Variants in CACNA2D3 observed in about 807,000 individuals in gnomAD.
The protein encoded by CACNA2D3 is calcium voltage-gated channel auxiliary subunit alpha2delta 3.
A neutral mutation model predicts 160.6 loss-of-function variants in CACNA2D3; 60 were observed. The ratio of observed to expected loss-of-function variants is 0.37; its 90% CI spans 0.30 to 0.46. CACNA2D3 has a LOEUF of 0.46. Ranked by LOEUF, CACNA2D3 falls within the 20% of genes least tolerant of loss-of-function variation. CACNA2D3 has a pLI of 1.00. For synonymous variants in CACNA2D3, 558 were observed against 492.9 expected, an observed-to-expected ratio of 1.13 and a Z score of -1.75; for missense variants, 1,205 against 1,365.0, an observed-to-expected ratio of 0.88 and a Z score of 1.85.
chr3:54,925,909 C>T (rs908554663), intron 27 of CACNA2D3, among the ~76,000 whole-genome samples: 2 of 152,198 alleles, frequency 1.3e-5, no homozygotes, highest in African/African-American at 4.8e-5. Flanking sequence ...AGGATAGTGT[C>T]TGCTGCTTTT....
intron 2 of CACNA2D3, among the ~76,000 whole-genome samples, chr3:54,223,880 G>C (rs1206720839): frequency 6.7e-6 from 1 of 150,296 alleles, no homozygotes. Context: ...TTATTTTTCT[G>C]ACTCTAATAA....
chr3:54,554,833 A>AGACTTTAT (rs943637641), intron 5 of CACNA2D3, among the ~76,000 whole-genome samples: 5 of 141,206 alleles, frequency 3.5e-5, no homozygotes, highest in African/African-American at 1.1e-4. Context: ...GCCCCTCTTG[A>AGACTTTAT]GACTTTATTT....
chr3:54,788,997 G>C (rs1702692988), intron 13 of CACNA2D3, among the ~76,000 whole-genome samples: 1 of 152,142 alleles, frequency 6.6e-6, no homozygotes. Flanking sequence ...ATTGTTGATT[G>C]AGCGGCCAAA....
chr3:54,400,614 A>G (rs1335703758), intron 4 of CACNA2D3, among the ~76,000 whole-genome samples: 3 of 152,178 alleles, frequency 2.0e-5, no homozygotes, highest in African/African-American at 7.2e-5. Flanking sequence ...AGTCTACCAG[A>G]CACCCACAGT....
In CACNA2D3 at chr3:55,018,918, A is replaced by G. The variant is rs1703386932; in HGVS notation, c.2987+601A>G. Among the ~76,000 whole-genome samples the G allele has an allele frequency of 3.7e-5, 5 of 135,542 alleles. No homozygotes were observed. The South Asian group carries it at 9.9e-4, about 27-fold the overall frequency. 88.9% of individuals were successfully genotyped at this position (135,542 alleles called of 152,430 possible). On this transcript the variant is annotated intron_variant, in intron 35 of 37. Coordinates refer to ENST00000474759, the MANE Select transcript of CACNA2D3 (RefSeq NM_018398.3). ...GTATGCATTGTATGTGGGTCTTCCT[A>G]TTGTATGGTTTGACTCTTTACAGAT... is the stretch of plus-strand genomic sequence containing the variant.
chr3:54,897,401 T>TA (rs1700216633), intron 26 of CACNA2D3, among the ~76,000 whole-genome samples: 1 of 152,202 alleles, frequency 6.6e-6, no homozygotes, highest in African/African-American at 2.4e-5. Flanking sequence ...TATGATAGTA[T>TA]AAAAAATTAA....
intron 4 of CACNA2D3, among the ~76,000 whole-genome samples, chr3:54,438,998 T>C (rs771832730): frequency 6.6e-6 from 1 of 152,206 alleles, no homozygotes; most frequent in African/African-American, 2.4e-5. Flanking sequence ...GCCCAATCAG[T>C]CGACCAGGTG....
intron 31 of CACNA2D3, among the ~76,000 whole-genome samples, chr3:54,999,502 G>T (rs1008040543): frequency 1.3e-5 from 2 of 152,146 alleles, no homozygotes; most frequent in African/African-American, 4.8e-5. Flanking sequence ...GCTTAATTAT[G>T]TCCCATGATA....
In CACNA2D3 at chr3:54,165,675, TGAGGTGGGAGGATTGCTTGAGCC is replaced by T. The variant is rs1424916878; in HGVS notation, c.204+42099_204+42121del. ...CTGTAGTCCCAGCTACTCCGGAGGC[TGAGGTGGGAGGATTGCTTGAGCC>T]GAGGTGGGAGGATTGCTCGAGCCCA... is the stretch of plus-strand genomic sequence containing the variant. On this transcript the variant is annotated intron_variant, in intron 2 of 37. Coordinates refer to ENST00000474759, the MANE Select transcript of CACNA2D3 (RefSeq NM_018398.3). Among the ~76,000 whole-genome samples the T allele has an allele frequency of 1.7e-3, 252 of 149,764 alleles. 3 individuals carry two copies. The highest frequency in any genetic ancestry group is 5.8e-3 in the African/African-American group (236 of 40,712).
intron 2 of CACNA2D3, among the ~76,000 whole-genome samples, chr3:54,179,890 CTA>C (rs2107321410): frequency 6.6e-6 from 1 of 152,264 alleles, no homozygotes; most frequent in East Asian, 1.9e-4. Context: ...GCCACCTAAT[CTA>C]TGGTATTTTG....
At position 54,320,455 on chromosome 3, in the gene CACNA2D3, A is replaced by G. The variant is rs1473836079; in HGVS notation, c.218A>G (p.Tyr73Cys). ...SQLLQKKYKEYEKDVAIEEID... is the reference protein window; with the variant it reads ...SQLLQKKYKECEKDVAIEEID... The stretch of plus-strand genomic sequence containing the variant: ...CTCTTCTTACAGAAATACAAAGAGT[A>G]TGAGAAAGACGTTGCCATAGAAGAA... Residue 73 changes from tyrosine to cysteine, a missense_variant, in exon 3 of 38, where the codon TAT becomes TGT. This residue lies in a region of CACNA2D3 where 163 missense variants were observed against 161.3 expected (regional missense o/e 1.01). Coordinates refer to ENST00000474759, the MANE Select transcript of CACNA2D3 (RefSeq NM_018398.3). 1 of 1,538,730 alleles carries G rather than the reference A, an allele frequency of 6.5e-7. No homozygotes were observed. The highest frequency in any genetic ancestry group is 1.4e-5 in the African/African-American group (1 of 73,028).
intron 34 of CACNA2D3, among the ~76,000 whole-genome samples, chr3:55,014,763 C>G (rs1007487062): frequency 1.3e-4 from 20 of 152,108 alleles, no homozygotes; most frequent in African/African-American, 4.8e-4. Flanking sequence ...AAACAGTATC[C>G]GGTAGATTGC....
intron 3 of CACNA2D3, among the ~76,000 whole-genome samples, chr3:54,327,120 T>C (rs1446888576): frequency 6.6e-6 from 1 of 152,228 alleles, no homozygotes; most frequent in Non-Finnish European, 1.5e-5. Context: ...CACATGGAAC[T>C]GCGTGGTCCT....
At chr3:54,127,868 A>G (rs1699626719) in intron 2 of CACNA2D3, among the ~76,000 whole-genome samples, 1 of 152,090 alleles carries the variant, frequency 6.6e-6, no homozygotes, top group Non-Finnish European at 1.5e-5. Flanking sequence ...AGAGTTACTC[A>G]TGACCACTTG....
At position 54,159,473 on chromosome 3, in the gene CACNA2D3, A is replaced by T. The variant is rs186837807; in HGVS notation, c.204+35879A>T. Reference sequence around the variant, plus strand: ...GAAAAAAATTCTAAATTTTAATATCATAAGAAATTATATTCTGCATAGCTG... The same window carrying T: ...GAAAAAAATTCTAAATTTTAATATCTTAAGAAATTATATTCTGCATAGCTG... On this transcript the variant is annotated intron_variant, in intron 2 of 37. Transcript: ENST00000474759. Among the ~76,000 whole-genome samples the T allele has an allele frequency of 2.4e-3, 362 of 147,772 alleles. 2 individuals carry two copies. The highest frequency in any genetic ancestry group is 8.4e-3 in the African/African-American group (329 of 39,284).
intron 4 of CACNA2D3, among the ~76,000 whole-genome samples, chr3:54,478,171 T>C (rs1427971492): frequency 6.6e-6 from 1 of 152,172 alleles, no homozygotes; most frequent in Non-Finnish European, 1.5e-5. Flanking sequence ...AGTTATCTTT[T>C]AGAAGGAGTA....
rs188453544 is a variant in CACNA2D3, at chr3:54,947,762, A to G, written c.2450-20688A>G. Among the ~76,000 whole-genome samples, 348 of 152,308 alleles carry G rather than the reference A, an allele frequency of 2.3e-3. 2 individuals carry two copies. Among genetic ancestry groups the G allele is most frequent in the African/African-American group, 7.9e-3 (327 of 41,578 alleles). ...TGTATTCCAAATATGAAGGGCTTGG[A>G]TGCTAGCCCTAAGGCAACTAGAAGC... On this transcript the variant is annotated intron_variant, in intron 27 of 37. Transcript: ENST00000474759.
At chr3:54,603,308 G>A (rs1703099174) in intron 9 of CACNA2D3, among the ~76,000 whole-genome samples, 1 of 152,194 alleles carries the variant, frequency 6.6e-6, no homozygotes, top group Non-Finnish European at 1.5e-5. Context: ...TTGCCCAAAA[G>A]TGCTCAACTG....
At chr3:54,189,427 C>A (rs542952950) in intron 2 of CACNA2D3, among the ~76,000 whole-genome samples, 1 of 152,162 alleles carries the variant, frequency 6.6e-6, no homozygotes, top group African/African-American at 2.4e-5. Context: ...GGGCCAAAGT[C>A]GAGCACAAAG....
Sources: gnomAD v4.1 joint callset for allele counts (sites outside exome capture counted in the v4.1 genomes callset) on GRCh38, gnomAD v4.1.1 for gene constraint, gnomAD v4.1.1 regional missense constraint, MANE v1.5 for transcripts, NCBI Gene and HGNC (gene_info 2026-07-23, HGNC 2026-07-21) for gene names.